LCOR: variants seen among roughly 807,000 people sequenced by gnomAD.
LCOR encodes the protein ligand dependent nuclear receptor corepressor, also known as ligand-dependent corepressor.
LCOR carries 14 observed loss-of-function variants against 64.4 expected under a neutral mutation model. The observed-to-expected ratio is 0.22, with a 90% CI of 0.14 to 0.34. LCOR has a LOEUF of 0.34. Among genes scored for constraint, LCOR ranks in the 10% least tolerant of loss-of-function variants. The pLI, the probability that LCOR is intolerant of heterozygous loss-of-function variation, is 1.00. For missense variants in LCOR, 1,686 were observed against 1,765.3 expected, an observed-to-expected ratio of 0.96 and a Z score of 0.80; for synonymous variants, 643 against 642.5, an observed-to-expected ratio of 1.00 and a Z score of -0.01.
intron 7 of LCOR, among the ~76,000 whole-genome samples, chr10:96,966,496 A>G (rs904990380): frequency 1.3e-5 from 2 of 152,068 alleles, no homozygotes; most frequent in East Asian, 1.9e-4. Flanking sequence ...CCAAAGTGCT[A>G]GGATTACAGG....
At chr10:96,841,831 C>G (rs889699359) in intron 2 of LCOR, among the ~76,000 whole-genome samples, 1 of 151,718 alleles carries the variant, frequency 6.6e-6, no homozygotes, top group Non-Finnish European at 1.5e-5. Context: ...AGCTCCTGGA[C>G]TCAAGCAGTC....
chr10:96,951,165 C>G (rs1162193349), intron 6 of LCOR, among the ~76,000 whole-genome samples: 2 of 152,058 alleles, frequency 1.3e-5, no homozygotes, highest in Non-Finnish European at 2.9e-5. Flanking sequence ...TTATCTTGTT[C>G]TGTTAATTTT....
intron 5 of LCOR, among the ~76,000 whole-genome samples, chr10:96,946,934 A>G (rs576393531): frequency 1.2e-4 from 19 of 152,216 alleles, no homozygotes; most frequent in African/African-American, 3.4e-4. Context: ...TGTATTACAT[A>G]TTCTCCCAAC....
intron 7 of LCOR, 80 bp downstream of exon 7, chr10:96,952,276 T>C: frequency 1.1e-6 from 1 of 948,552 alleles, no homozygotes; most frequent in African/African-American, 1.7e-5. Flanking sequence ...CCTTTTACAT[T>C]TTAAAAAATA....
Position 96,991,022 on chromosome 10 carries a change from T to TAAAAAAA in LCOR, c.*5905_*5911dup, listed in dbSNP as rs769810945. On this transcript the variant is annotated 3_prime_UTR_variant, in exon 8 of 8. Transcript: ENST00000421806. ...TTTTACCCTTTTTTAAAGGGTTATG[T>TAAAAAAA]AAAAAAAAAAAAAAAAAAAAAAAGC... 7.8e-5 allele frequency: 6 copies of TAAAAAAA among 77,254 alleles called. 1 individual carries two copies. Among genetic ancestry groups the TAAAAAAA allele is most frequent in the African/African-American group, 2.3e-4 (5 of 21,448 alleles). 4.8% of individuals were successfully genotyped at this position (77,254 alleles called of 1,614,324 possible). A position where few individuals can be genotyped will look rare whatever the true frequency, so the allele number is the denominator to read the frequency against.
intron 4 of LCOR, among the ~76,000 whole-genome samples, chr10:96,941,147 C>T (rs1189942144): frequency 8.5e-5 from 11 of 129,884 alleles, no homozygotes; most frequent in East Asian, 2.4e-4. Flanking sequence ...CGGGCAGAGG[C>T]GCCCCTCACC....
chr10:96,913,895 C>T (rs1846890490), intron 4 of LCOR, among the ~76,000 whole-genome samples: 1 of 148,430 alleles, frequency 6.7e-6, no homozygotes, highest in Non-Finnish European at 1.5e-5. Flanking sequence ...CACACACAGA[C>T]TGTCTGGAAA....
At chr10:96,950,711 A>G (rs1373006140) in intron 6 of LCOR, among the ~76,000 whole-genome samples, 1 of 152,118 alleles carries the variant, frequency 6.6e-6, no homozygotes, top group Non-Finnish European at 1.5e-5. Flanking sequence ...AAAAAATTTT[A>G]AATTATATTT....
intron 2 of LCOR, among the ~76,000 whole-genome samples, chr10:96,899,317 A>C (rs956149914): frequency 6.6e-6 from 1 of 152,158 alleles, no homozygotes; most frequent in Non-Finnish European, 1.5e-5. Flanking sequence ...CTAGAATTAT[A>C]AATATCTTAA....
chr10:96,873,280 A>G (rs1187939495), intron 2 of LCOR, among the ~76,000 whole-genome samples: 4 of 152,178 alleles, frequency 2.6e-5, no homozygotes, highest in African/African-American at 9.7e-5. Context: ...GTTTGTGGGG[A>G]AAAACATTAT....
chr10:96,832,926 C>T (rs984701443), intron 1 of LCOR: 1 of 939,704 alleles, frequency 1.1e-6, no homozygotes, highest in Non-Finnish European at 1.3e-6. Flanking sequence ...GCGCGGCGGG[C>T]TGCAGGCGGG....
chr10:96,875,973 A>T (rs2134412461), intron 2 of LCOR, among the ~76,000 whole-genome samples: 1 of 152,250 alleles, frequency 6.6e-6, no homozygotes, highest in East Asian at 1.9e-4. Context: ...CCGACTTATA[A>T]ATAGCTAATT....
intron 2 of LCOR, among the ~76,000 whole-genome samples, chr10:96,879,205 T>C (rs1472087617): frequency 6.6e-6 from 1 of 152,190 alleles, no homozygotes; most frequent in Non-Finnish European, 1.5e-5. Context: ...CAGTGAAATA[T>C]ATTGTCATAC....
intron 2 of LCOR, among the ~76,000 whole-genome samples, chr10:96,898,807 A>G (rs769747118): frequency 3.3e-5 from 5 of 152,194 alleles, no homozygotes; most frequent in East Asian, 1.9e-4. Context: ...AGCACCTGCT[A>G]TAGTGCTTGC....
chr10:96,913,747 C>T (rs1564623806), intron 4 of LCOR, among the ~76,000 whole-genome samples: 1 of 152,094 alleles, frequency 6.6e-6, no homozygotes, highest in Non-Finnish European at 1.5e-5. Flanking sequence ...CATGGCAAAA[C>T]CCCATCTCTA....
At chr10:96,965,827 A>G (rs956200081) in intron 7 of LCOR, among the ~76,000 whole-genome samples, 2 of 152,082 alleles carry the variant, frequency 1.3e-5, no homozygotes, top group Non-Finnish European at 2.9e-5. Context: ...AAGAAAGCTA[A>G]TTATTATTTT....
chr10:96,859,481 G>C (rs1383725842), intron 2 of LCOR, among the ~76,000 whole-genome samples: 1 of 151,996 alleles, frequency 6.6e-6, no homozygotes, highest in East Asian at 1.9e-4. Flanking sequence ...CAAAGTGCTA[G>C]GATTATAGGT....
At chr10:96,863,475 A>G (rs1318790799) in intron 2 of LCOR, among the ~76,000 whole-genome samples, 2 of 152,152 alleles carry the variant, frequency 1.3e-5, no homozygotes, top group Non-Finnish European at 2.9e-5. Context: ...AAGTGCTGGG[A>G]TTACAGGTGT....
intron 7 of LCOR, among the ~76,000 whole-genome samples, chr10:96,964,632 CA>C (rs1174332305): frequency 1.3e-5 from 2 of 152,088 alleles, no homozygotes; most frequent in East Asian, 3.9e-4. Flanking sequence ...TATTCAGGTG[CA>C]ATATTGCGTT....
Sources: allele counts gnomAD v4.1 joint callset (sites outside exome capture counted in the v4.1 genomes callset), GRCh38; gene constraint gnomAD v4.1.1; transcripts MANE v1.5; gene names NCBI Gene and HGNC (gene_info 2026-07-23, HGNC 2026-07-21).